Variants in CTNND2 observed in about 807,000 individuals in gnomAD.
CTNND2 encodes the protein catenin delta 2.
In CTNND2, 22 loss-of-function variants were observed where a neutral mutation model predicts 144.4. The ratio of observed to expected loss-of-function variants is 0.15; its 90% CI spans 0.11 to 0.22. The LOEUF (loss-of-function observed/expected upper bound fraction) is 0.22. Ranked by LOEUF, CTNND2 falls within the 10% of genes least tolerant of loss-of-function variation. The pLI is 1.00. For missense variants in CTNND2, 1,353 were observed against 1,618.8 expected, an observed-to-expected ratio of 0.84 and a Z score of 2.82; for synonymous variants, 751 against 695.6, an observed-to-expected ratio of 1.08 and a Z score of -1.25.
chr5:11,039,427 T>C (rs186344839), intron 16 of CTNND2, among the ~76,000 whole-genome samples: 163 of 152,346 alleles, frequency 1.1e-3, no homozygotes, highest in Admixed American at 3.2e-3. Context: ...CAGTGGACGA[T>C]GGCTGTGGCA....
chr5:11,302,916 G>A (rs756767014), intron 9 of CTNND2, among the ~76,000 whole-genome samples: 30 of 152,312 alleles, frequency 2.0e-4, no homozygotes, highest in Middle Eastern at 3.4e-3. Flanking sequence ...GAAACCTCGC[G>A]TCCTTCCTCC....
chr5:11,135,258 G>T (rs1263787140), intron 12 of CTNND2, among the ~76,000 whole-genome samples: 1 of 152,120 alleles, frequency 6.6e-6, no homozygotes, highest in Non-Finnish European at 1.5e-5. Context: ...TATATATAAT[G>T]ACTTCATGGG....
intron 3 of CTNND2, among the ~76,000 whole-genome samples, chr5:11,548,360 A>G (rs1390875231): frequency 6.6e-6 from 1 of 152,220 alleles, no homozygotes. Context: ...ACAGAGTTAT[A>G]GCATTTTTTA....
chr5:11,904,042 G>C lies in CTNND2; in HGVS notation c.-189C>G. On this transcript the variant is annotated 5_prime_UTR_variant, in exon 1 of 22. Coordinates refer to ENST00000304623, the MANE Select transcript of CTNND2 (RefSeq NM_001332.4). The surrounding 1 kb of genome is among the most constrained non-coding windows in gnomAD (Gnocchi z 4.2). ...CCGCGGGCGAGAGGCGGCTCCCGAC[G>C]CGAGTGCGCAGCGCCCGGCCCGGCG... The C allele has an allele frequency of 6.7e-6, 3 of 446,170 alleles. No individual in the cohort carries two copies. Among genetic ancestry groups the C allele is most frequent in the East Asian group, 1.0e-4 (2 of 19,592 alleles). 27.6% of individuals were successfully genotyped at this position (446,170 alleles called of 1,614,324 possible).
At chr5:11,894,815 G>T (rs58727176) in intron 1 of CTNND2, among the ~76,000 whole-genome samples, 1 of 152,152 alleles carries the variant, frequency 6.6e-6, no homozygotes, top group Non-Finnish European at 1.5e-5. Context: ...TCCCTCCAGG[G>T]TGCTGCAGTG....
chr5:10,999,757 T>C (rs749524468), intron 18 of CTNND2, among the ~76,000 whole-genome samples: 4 of 152,162 alleles, frequency 2.6e-5, no homozygotes, highest in Non-Finnish European at 4.4e-5. Context: ...AGAAGATGAG[T>C]TCAAAGTCAC....
At chr5:11,436,797 C>T (rs1287998745) in intron 3 of CTNND2, among the ~76,000 whole-genome samples, 5 of 152,150 alleles carry the variant, frequency 3.3e-5, no homozygotes. Flanking sequence ...CCTAATATTT[C>T]CCTTTTGAAT....
chr5:11,439,965 T>G (rs1231376422), intron 3 of CTNND2, among the ~76,000 whole-genome samples: 1 of 151,950 alleles, frequency 6.6e-6, no homozygotes, highest in African/African-American at 2.4e-5. Flanking sequence ...GCCACCACCA[T>G]GCCTGGTCCA....
rs1779598110 is a variant in CTNND2, at chr5:11,597,923, A to C, written c.175-32867T>G. ...GATAAGTAGAGCTGGTATTTTATTG[A>C]GAAGTCAACTCACCACTGGATAATG... On this transcript the variant is annotated intron_variant, in intron 2 of 21. Coordinates refer to ENST00000304623, the MANE Select transcript of CTNND2 (RefSeq NM_001332.4). Among the ~76,000 whole-genome samples, 6 of 152,206 alleles carry C rather than the reference A, an allele frequency of 3.9e-5. No homozygotes were observed. In the South Asian group the frequency reaches 8.3e-4, roughly 21 times the overall value.
intron 9 of CTNND2, among the ~76,000 whole-genome samples, chr5:11,294,571 T>C (rs1209353270): frequency 1.3e-5 from 2 of 152,102 alleles, no homozygotes; most frequent in African/African-American, 4.8e-5. Context: ...CACTTTAAGC[T>C]TGACAGTTTC....
At chr5:11,106,170 A>G (rs61755674) in intron 14 of CTNND2, among the ~76,000 whole-genome samples, 4 of 152,344 alleles carry the variant, frequency 2.6e-5, no homozygotes, top group Non-Finnish European at 5.9e-5. Flanking sequence ...TGAGAGTCTT[A>G]AAAGCATGCA....
At chr5:11,489,313 T>C (rs1457087723) in intron 3 of CTNND2, among the ~76,000 whole-genome samples, 1 of 152,206 alleles carries the variant, frequency 6.6e-6, no homozygotes, top group African/African-American at 2.4e-5. Context: ...TCAACATCCA[T>C]GTGCTTAGTT....
chr5:11,593,613 A>AT (rs1237150779), intron 2 of CTNND2, among the ~76,000 whole-genome samples: 1 of 152,068 alleles, frequency 6.6e-6, no homozygotes, highest in African/African-American at 2.4e-5. Flanking sequence ...GTCTCAGGAG[A>AT]TCTGCTGGTT....
At chr5:11,245,669 A>T (rs1449431690) in intron 9 of CTNND2, among the ~76,000 whole-genome samples, 2 of 152,164 alleles carry the variant, frequency 1.3e-5, no homozygotes, top group Non-Finnish European at 2.9e-5. Flanking sequence ...GGCCTCCAAA[A>T]CTGTACGAGA....
intron 2 of CTNND2, among the ~76,000 whole-genome samples, chr5:11,574,140 T>A (rs1211844408): frequency 6.6e-6 from 1 of 152,080 alleles, no homozygotes; most frequent in African/African-American, 2.4e-5. Flanking sequence ...GCATGTGCAT[T>A]CTGAAAATGT....
chr5:11,204,778 T>C (rs1444056082), intron 10 of CTNND2, among the ~76,000 whole-genome samples: 1 of 152,134 alleles, frequency 6.6e-6, no homozygotes, highest in Non-Finnish European at 1.5e-5. Flanking sequence ...TTAAACAGCT[T>C]GCAATAGAAT....
Position 11,903,887 on chromosome 5 carries a change from GA to G in CTNND2, c.-35del, listed in dbSNP as rs1440480251. 7.0e-7 allele frequency: 1 copy of G among 1,429,610 alleles called. No individual in the cohort carries two copies. The highest frequency in any genetic ancestry group is 9.1e-7 in the Non-Finnish European group (1 of 1,099,132). The allele number at this position is 1,429,610 out of a possible 1,614,324, so 88.6% of individuals were successfully genotyped here. A position where few individuals can be genotyped will look rare whatever the true frequency, so the allele number is the denominator to read the frequency against. ...CGCCGGCGACAGCTCCTCAGTCCGG[GA>G]AGAGGCGTGCGCGGCGCCGCCCGGC... On this transcript the variant is annotated 5_prime_UTR_variant, in exon 1 of 22. Transcript: ENST00000304623. The surrounding 1 kb of genome is among the most constrained non-coding windows in gnomAD (Gnocchi z 5.4).
At chr5:11,508,634 G>A (rs372117209) in intron 3 of CTNND2, among the ~76,000 whole-genome samples, 2 of 152,122 alleles carry the variant, frequency 1.3e-5, no homozygotes, top group Admixed American at 6.5e-5. Context: ...TCCCAGGGCC[G>A]GGTGCAGTGG....
At chr5:10,983,430 C>G (rs1413849549) in intron 20 of CTNND2, among the ~76,000 whole-genome samples, 1 of 152,082 alleles carries the variant, frequency 6.6e-6, no homozygotes, top group East Asian at 1.9e-4. Context: ...CTATAGGCCA[C>G]AAGAGAAAGG....
Sources: gnomAD v4.1 joint callset for allele counts (sites outside exome capture counted in the v4.1 genomes callset) on GRCh38, gnomAD v4.1.1 for gene constraint, Gnocchi (gnomAD v3.1) non-coding constraint, MANE v1.5 for transcripts, NCBI Gene and HGNC (gene_info 2026-07-23, HGNC 2026-07-21) for gene names.